MAF: variants seen among roughly 807,000 people sequenced by gnomAD.
MAF encodes the protein transcription factor Maf.
A neutral mutation model predicts 22.0 loss-of-function variants in MAF; 10 were observed. That is an observed-to-expected ratio of 0.45 (90% CI 0.28 to 0.77). The LOEUF is 0.77. Among genes scored for constraint, MAF ranks in the 30% least tolerant of loss-of-function variants. MAF has a pLI of 0.12. For synonymous variants in MAF, 337 were observed against 255.8 expected (o/e 1.32, Z -3.03); for missense variants, 544 against 548.4 (o/e 0.99, Z 0.08).
chr16:79,539,636 T>C, the MAF span, among the ~76,000 whole-genome samples: 7 of 152,376 alleles, frequency 4.6e-5, no homozygotes, highest in Non-Finnish European at 7.3e-5. Context: ...TTCAATATAG[T>C]GTTATCTATA....
the MAF span, among the ~76,000 whole-genome samples, chr16:79,576,433 C>T: frequency 6.6e-6 from 1 of 152,046 alleles, no homozygotes; most frequent in South Asian, 2.1e-4. Context: ...TACAAAGCCT[C>T]TGAGGCGGAT....
At chr16:79,372,044 A>T in the MAF span, among the ~76,000 whole-genome samples, 1 of 149,222 alleles carries the variant, frequency 6.7e-6, no homozygotes, top group African/African-American at 2.5e-5. Flanking sequence ...GTTTCAATAT[A>T]TATTGGTTAA....
At chr16:79,542,260 C>T in the MAF span, among the ~76,000 whole-genome samples, 43 of 152,236 alleles carry the variant, frequency 2.8e-4, no homozygotes, top group African/African-American at 5.1e-4. Context: ...ACGAAGCCTC[C>T]GGGCAGGAAC....
the MAF span, among the ~76,000 whole-genome samples, chr16:79,414,666 C>A: frequency 6.6e-6 from 1 of 152,072 alleles, no homozygotes; most frequent in Admixed American, 6.5e-5. Context: ...GGAAGGAAAA[C>A]CAAAGTCTCA....
the MAF span, among the ~76,000 whole-genome samples, chr16:79,341,870 G>T: frequency 3.3e-5 from 5 of 152,166 alleles, no homozygotes; most frequent in African/African-American, 1.2e-4. Context: ...AAACTTGCTG[G>T]TGGATTGGAT....
chr16:79,492,081 A>G, the MAF span, among the ~76,000 whole-genome samples: 1 of 152,228 alleles, frequency 6.6e-6, no homozygotes, highest in Non-Finnish European at 1.5e-5. Flanking sequence ...GTGAATAAAA[A>G]GAGCCTATCT....
the MAF span, among the ~76,000 whole-genome samples, chr16:79,462,473 C>T: frequency 4.6e-5 from 7 of 152,136 alleles, no homozygotes; most frequent in African/African-American, 1.4e-4. Context: ...ACTTCTTACC[C>T]CACCTAACAA....
chr16:79,553,564 C>G, the MAF span, among the ~76,000 whole-genome samples: 192 of 152,336 alleles, frequency 1.3e-3, no homozygotes, highest in Non-Finnish European at 2.5e-3. Context: ...TCACCCGGAG[C>G]CTGTGCACTG....
chr16:79,355,933 A>G, the MAF span, among the ~76,000 whole-genome samples: 1 of 152,122 alleles, frequency 6.6e-6, no homozygotes, highest in African/African-American at 2.4e-5. Context: ...CAACCAGAAA[A>G]TAGCCTCGTA....
chr16:79,487,050 C>T, the MAF span, among the ~76,000 whole-genome samples: 1 of 152,064 alleles, frequency 6.6e-6, no homozygotes, highest in Non-Finnish European at 1.5e-5. Context: ...CCTAAAGTTC[C>T]ACTCCTTTTT....
chr16:79,460,365 C>T, the MAF span, among the ~76,000 whole-genome samples: 1 of 152,100 alleles, frequency 6.6e-6, no homozygotes, highest in Non-Finnish European at 1.5e-5. Context: ...CCAATTGTCC[C>T]GACAATATGT....
chr16:79,225,626 A>G, the MAF span, among the ~76,000 whole-genome samples: 1 of 152,208 alleles, frequency 6.6e-6, no homozygotes, highest in Admixed American at 6.5e-5. Context: ...CAATCTATCC[A>G]TCTGACAAAG....
the MAF span, among the ~76,000 whole-genome samples, chr16:79,443,964 C>T: frequency 6.6e-6 from 1 of 151,828 alleles, no homozygotes; most frequent in Non-Finnish European, 1.5e-5. Context: ...TGAGAAAAAC[C>T]AAACAACTAA....
the MAF span, among the ~76,000 whole-genome samples, chr16:79,261,189 G>C: frequency 1.3e-5 from 2 of 152,076 alleles, no homozygotes; most frequent in South Asian, 2.1e-4. Flanking sequence ...TCTTGCTCTT[G>C]TCACCCAGGC....
chr16:79,468,391 G>A, the MAF span, among the ~76,000 whole-genome samples: 1 of 152,242 alleles, frequency 6.6e-6, no homozygotes, highest in Non-Finnish European at 1.5e-5. Flanking sequence ...TCCTGGGTGA[G>A]AGGATTAGCA....
chr16:79,400,276 G>A, the MAF span, among the ~76,000 whole-genome samples: 1 of 152,320 alleles, frequency 6.6e-6, no homozygotes, highest in South Asian at 2.1e-4. Flanking sequence ...GCTTGGGGTG[G>A]TAGGGTAAGG....
At chr16:79,226,646 C>T in the MAF span, among the ~76,000 whole-genome samples, 4 of 151,838 alleles carry the variant, frequency 2.6e-5, no homozygotes, top group East Asian at 1.9e-4. Flanking sequence ...CCTACAAATA[C>T]GTATTGAGAG....
the MAF span, among the ~76,000 whole-genome samples, chr16:79,521,329 G>A: frequency 1.3e-5 from 2 of 152,154 alleles, no homozygotes; most frequent in African/African-American, 2.4e-5. Flanking sequence ...AACCACTGTT[G>A]GTTTAATGGA....
the MAF span, among the ~76,000 whole-genome samples, chr16:79,524,494 C>T: frequency 1.3e-5 from 2 of 152,208 alleles, no homozygotes; most frequent in Admixed American, 6.5e-5. Flanking sequence ...TTAAAGTTGG[C>T]TATCCAACAT....
Sources: allele counts gnomAD v4.1 joint callset (sites outside exome capture counted in the v4.1 genomes callset), GRCh38; gene constraint gnomAD v4.1.1; transcripts MANE v1.5; gene names NCBI Gene and HGNC (gene_info 2026-07-23, HGNC 2026-07-21).